The following MCM6 variants were observed in gnomAD, a reference collection of about 807,000 sequenced individuals.
MCM6 encodes minichromosome maintenance complex component 6, also known as DNA replication licensing factor MCM6.
A neutral mutation model predicts 94.3 loss-of-function variants in MCM6; 46 were observed. The observed-to-expected ratio is 0.49, with a 90% CI of 0.39 to 0.62. MCM6 has a LOEUF of 0.62. Among genes scored for constraint, MCM6 ranks in the 20% least tolerant of loss-of-function variants. The pLI is 0.00. For missense variants in MCM6, 865 were observed against 1,017.9 expected (o/e 0.85, Z 2.04); for synonymous variants, 335 against 351.9 (o/e 0.95, Z 0.54).
chr2:135,851,044 A>G (rs1232020603), intron 13 of MCM6, among the ~76,000 whole-genome samples: 1 of 152,166 alleles, frequency 6.6e-6, no homozygotes, highest in African/African-American at 2.4e-5. Flanking sequence ...TACAAATGCA[A>G]CCTAAGGAGG....
intron 12 of MCM6, 55 bp from the exon 13 acceptor site, chr2:135,851,618 G>A (rs1679781516): frequency 6.9e-6 from 10 of 1,453,444 alleles, no homozygotes; most frequent in East Asian, 2.4e-5. Context: ...TGAGAGCTAC[G>A]GTAAACCTAA....
rs762799400 is a variant in MCM6 at position 135,848,155 on chromosome 2, A to AC, written c.1950dup (p.Leu651ValfsTer4). 14 of 1,612,178 alleles carry AC rather than the reference A, an allele frequency of 8.7e-6. No individual in the cohort carries two copies. On this transcript the variant is annotated frameshift_variant, in exon 14 of 17. Coordinates refer to ENST00000264156, the MANE Select transcript of MCM6 (RefSeq NM_005915.6). LOFTEE classifies it high-confidence loss of function. ...ACACGGATGATTGATTTATTCAGTA[A>AC]CCGGAAAGCTTCCTTCACATGTTTA...
rs566109962 is a variant in MCM6, at chr2:135,851,641, T to A, written c.1756-78A>T. ...ACGGTAAACCTAAGTTTAAGAGCCT[T>A]CCAGGTGGAAACATTTAGGGAACCT... is the stretch of plus-strand genomic sequence containing the variant. On this transcript the variant is annotated intron_variant, in intron 12 of 16. Transcript: ENST00000264156. The A allele has an allele frequency of 2.8e-5, 36 of 1,290,010 alleles. No individual in the cohort carries two copies. The African/African-American group carries it at 5.0e-4, about 18-fold the overall frequency. The allele number at this position is 1,290,010 out of a possible 1,614,324, so 79.9% of individuals were successfully genotyped here. A position where few individuals can be genotyped will look rare whatever the true frequency, so the allele number is the denominator to read the frequency against.
Position 135,856,761 on chromosome 2 carries a change from A to G in MCM6, c.1593T>C (p.Asp531=), listed in dbSNP as rs1679898735. 1 of 1,614,218 alleles carries G rather than the reference A, an allele frequency of 6.2e-7. No individual in the cohort carries two copies. Among genetic ancestry groups the G allele is most frequent in the Non-Finnish European group, 8.5e-7 (1 of 1,180,046 alleles). Residue 531 remains aspartate, a synonymous_variant, in exon 11 of 17, where the codon GAT becomes GAC. Transcript: ENST00000264156. ...NLSAPIMSRF[D]LFFILVDECN... is the part of the protein sequence containing the mutation. Reference sequence around the variant, plus strand: ...ATTCATCCACAAGGATAAAGAAGAGATCGAATCGGGACATGATGGGAGCTG... The same window carrying G: ...ATTCATCCACAAGGATAAAGAAGAGGTCGAATCGGGACATGATGGGAGCTG...
chr2:135,841,053 T>G (rs1421641823), intron 16 of MCM6, 102 bp from the exon 17 acceptor site: 169 of 812,904 alleles, frequency 2.1e-4, no homozygotes, highest in Non-Finnish European at 4.1e-6. Context: ...TATCAACATT[T>G]TCTTTCATTT....
At chr2:135,869,151 C>T (rs186100001) in intron 3 of MCM6, among the ~76,000 whole-genome samples, 71 of 152,112 alleles carry the variant, frequency 4.7e-4, no homozygotes, top group African/African-American at 1.7e-3. Context: ...ACCTGTAATC[C>T]CAGCACTTTG....
chr2:135,842,714 G>A (rs980630397), intron 16 of MCM6, among the ~76,000 whole-genome samples: 1 of 152,240 alleles, frequency 6.6e-6, no homozygotes, highest in African/African-American at 2.4e-5. Context: ...TTGGAGAGGA[G>A]GAGGATATCT....
rs4988174 is a variant in MCM6, at chr2:135,866,008, G to T, written c.927+124C>A. On this transcript the variant is annotated intron_variant, in intron 6 of 16. Coordinates refer to ENST00000264156, the MANE Select transcript of MCM6 (RefSeq NM_005915.6). ...TCCCAGCTACTCAGGAGGTTGAGATGGTAGGATCACTTGAGCCCAGAAAGT... is the reference window on the plus strand; with the variant it reads ...TCCCAGCTACTCAGGAGGTTGAGATTGTAGGATCACTTGAGCCCAGAAAGT... 3,076 of 1,110,384 alleles carry T rather than the reference G, an allele frequency of 2.8e-3. 95 individuals are homozygous for T. The East Asian group carries it at 0.057, about 20-fold the overall frequency. The allele number at this position is 1,110,384 out of a possible 1,614,324, so 68.8% of individuals were successfully genotyped here.
rs1679780770 is a variant in MCM6, at chr2:135,851,561, A to T, written c.1758T>A (p.Ile586=). ...LLFARQFKPK[I]SKESEDFIVE... ...CAATGAAGTCCTCTGACTCTTTGGAAATCTGTTTCAGATCATCACTCAAGT... is the reference window on the plus strand; with the variant it reads ...CAATGAAGTCCTCTGACTCTTTGGATATCTGTTTCAGATCATCACTCAAGT... The change falls in exon 13 of 17, where the codon ATT becomes ATA. Residue 586 remains isoleucine (I), a splice_region_variant and synonymous_variant. Coordinates refer to ENST00000264156, the MANE Select transcript of MCM6 (RefSeq NM_005915.6). 1.3e-6 allele frequency: 2 copies of T among 1,595,946 alleles called. No homozygotes were observed. Among genetic ancestry groups the T allele is most frequent in the African/African-American group, 1.3e-5 (1 of 74,844 alleles).
intron 15 of MCM6, among the ~76,000 whole-genome samples, chr2:135,845,471 T>C (rs1433677395): frequency 2.6e-5 from 4 of 152,206 alleles, no homozygotes; most frequent in Admixed American, 6.5e-5. Flanking sequence ...GTGGCCACTT[T>C]GTTGCCTTCT....
At chr2:135,843,673 C>T (rs1679618816) in intron 16 of MCM6, among the ~76,000 whole-genome samples, 1 of 146,508 alleles carries the variant, frequency 6.8e-6, no homozygotes, top group African/African-American at 2.5e-5. Context: ...GAGGTGGAAG[C>T]TGCAGTGAGC....
chr2:135,856,841 G>A lies in MCM6; in HGVS notation c.1513C>T (p.Pro505Ser), dbSNP rs1679900003. 1 of 1,613,888 alleles carries A rather than the reference G, an allele frequency of 6.2e-7. No homozygotes were observed. Among genetic ancestry groups the A allele is most frequent in the African/African-American group, 1.3e-5 (1 of 74,904 alleles). ...ARTSILAAANPISGHYDRSKS... is the reference protein window; with the variant it reads ...ARTSILAAANSISGHYDRSKS... ...GATCTGTCATAGTGTCCACTGATTG[G>A]GTTTGCTGCTGCCAAAATGGACGTC... The change falls in exon 11 of 17, where the codon CCA becomes TCA. Residue 505 changes from proline to serine, a missense_variant. By Grantham distance (74) the Pro-to-Ser change is moderately conservative. Transcript: ENST00000264156.
In MCM6 at chr2:135,865,148, G is replaced by A; in HGVS notation, c.943C>T (p.Leu315Phe). The change falls in exon 7 of 17, where the codon CTC becomes TTC. Residue 315 changes from leucine to phenylalanine, a missense_variant. Transcript: ENST00000264156. The part of the protein sequence containing the change: ...PTNPRFGGKE[L>F]RDEEQTAESI... Reference sequence around the variant, plus strand: ...TCAGCTGTCTGTTCCTCATCTCTGAGCTCTTTCCCCCCAAACTAATGGTAG... The same window carrying A: ...TCAGCTGTCTGTTCCTCATCTCTGAACTCTTTCCCCCCAAACTAATGGTAG... The A allele has an allele frequency of 1.3e-6, 2 of 1,537,506 alleles. No homozygotes were observed. Among genetic ancestry groups the A allele is most frequent in the Non-Finnish European group, 1.7e-6 (2 of 1,144,442 alleles).
chr2:135,842,944 T>C (rs1012275213), intron 16 of MCM6, among the ~76,000 whole-genome samples: 1 of 152,132 alleles, frequency 6.6e-6, no homozygotes, highest in African/African-American at 2.4e-5. Flanking sequence ...GGTAGTAAAA[T>C]AATCTGATTT....
chr2:135,864,405 G>C (rs1680051563), intron 7 of MCM6, among the ~76,000 whole-genome samples: 5 of 152,138 alleles, frequency 3.3e-5, no homozygotes, highest in Admixed American at 3.3e-4. Context: ...GCTGGAGGTA[G>C]GGTTGCTTTA....
At chr2:135,856,275 T>G (rs1382107923) in intron 11 of MCM6, among the ~76,000 whole-genome samples, 3 of 152,106 alleles carry the variant, frequency 2.0e-5, no homozygotes, top group Non-Finnish European at 4.4e-5. Flanking sequence ...AGACCCTGTC[T>G]GTACTAAAAA....
intron 16 of MCM6, among the ~76,000 whole-genome samples, chr2:135,843,489 T>C (rs1679614650): frequency 6.6e-6 from 1 of 151,942 alleles, no homozygotes; most frequent in Non-Finnish European, 1.5e-5. Context: ...TCCCAGCAGT[T>C]TGGGAGGCCA....
intron 13 of MCM6, among the ~76,000 whole-genome samples, chr2:135,848,924 C>T (rs150195237): frequency 6.6e-6 from 1 of 152,086 alleles, no homozygotes; most frequent in East Asian, 1.9e-4. Flanking sequence ...GCAATGAAAC[C>T]AGCCAGAAAA....
intron 4 of MCM6, among the ~76,000 whole-genome samples, chr2:135,867,421 A>T (rs1680112156): frequency 6.6e-6 from 1 of 152,176 alleles, no homozygotes; most frequent in Non-Finnish European, 1.5e-5. Flanking sequence ...AAGATAAGAC[A>T]TCTCCTACCC....
Sources: allele counts gnomAD v4.1 joint callset (sites outside exome capture counted in the v4.1 genomes callset), GRCh38; gene constraint gnomAD v4.1.1; transcripts MANE v1.5; gene names NCBI Gene and HGNC (gene_info 2026-07-23, HGNC 2026-07-21).